The following PLEKHA6 variants were observed in gnomAD, a reference collection of about 807,000 sequenced individuals.
The protein encoded by PLEKHA6 is pleckstrin homology domain containing A6.
PLEKHA6 carries 60 observed loss-of-function variants against 116.7 expected under a neutral mutation model. The observed-to-expected ratio is 0.51, with a 90% CI of 0.42 to 0.64. PLEKHA6 has a LOEUF of 0.64. Among genes scored for constraint, PLEKHA6 ranks in the 30% least tolerant of loss-of-function variants. The pLI is 0.00. For missense variants in PLEKHA6, 1,338 were observed against 1,422.7 expected (o/e 0.94, Z 0.96); for synonymous variants, 489 against 556.1 (o/e 0.88, Z 1.70).
intron 9 of PLEKHA6, among the ~76,000 whole-genome samples, chr1:204,251,028 T>C (rs1571883343): frequency 6.6e-6 from 1 of 152,160 alleles, no homozygotes; most frequent in Admixed American, 6.5e-5. Context: ...TTGGGAACAG[T>C]TGAAAACTAT....
At chr1:204,236,010 G>A (rs1442424400) in intron 17 of PLEKHA6, among the ~76,000 whole-genome samples, 2 of 152,226 alleles carry the variant, frequency 1.3e-5, no homozygotes, top group African/African-American at 4.8e-5. Flanking sequence ...GCCCCTAGAG[G>A]TGAGGTTGAG....
At position 204,320,832 on chromosome 1, in the gene PLEKHA6, C is replaced by T. The variant is rs80249204; in HGVS notation, c.-95+38862G>A. Among the ~76,000 whole-genome samples, 1,180 of 152,222 alleles carry T rather than the reference C, an allele frequency of 7.8e-3. 5 individuals are homozygous for T. The highest frequency in any genetic ancestry group is 0.017 in the Admixed American group (256 of 15,298). ...GTGGGAGAGAGGGGTTCTTAGCCTTCCCCCAAAAAACCCAGAATAATGCCA... is the reference window on the plus strand; with the variant it reads ...GTGGGAGAGAGGGGTTCTTAGCCTTTCCCCAAAAAACCCAGAATAATGCCA... On this transcript the variant is annotated intron_variant, in intron 1 of 22. Transcript: ENST00000272203.
chr1:204,294,190 G>A (rs1395311529), intron 1 of PLEKHA6, among the ~76,000 whole-genome samples: 1 of 152,176 alleles, frequency 6.6e-6, no homozygotes, highest in African/African-American at 2.4e-5. Flanking sequence ...CATCCCAGGA[G>A]GATACGGAGG....
chr1:204,306,222 G>T (rs1671289081), intron 1 of PLEKHA6, among the ~76,000 whole-genome samples: 1 of 151,968 alleles, frequency 6.6e-6, no homozygotes, highest in African/African-American at 2.4e-5. Flanking sequence ...CACCATTCCT[G>T]CGAGATCCTG....
chr1:204,241,788 C>T lies in PLEKHA6; in HGVS notation c.2199G>A (p.Lys733=). ...GGGGCAATGTCTGGTGGGGGTCTTTCTTGCTTTGTTCATAGTTTGCCTTGG... is the reference window on the plus strand; with the variant it reads ...GGGGCAATGTCTGGTGGGGGTCTTTTTTGCTTTGTTCATAGTTTGCCTTGG... ...NEPKANYEQS[K]KDPHQTLPLD... The change falls in exon 16 of 23, where the codon AAG becomes AAA. Residue 733 remains lysine, a synonymous_variant. Transcript: ENST00000272203. The T allele has an allele frequency of 6.2e-7, 1 of 1,614,126 alleles. No homozygotes were observed. Among genetic ancestry groups the T allele is most frequent in the Non-Finnish European group, 8.5e-7 (1 of 1,179,988 alleles).
intron 1 of PLEKHA6, among the ~76,000 whole-genome samples, chr1:204,341,993 C>T (rs914724664): frequency 6.6e-6 from 1 of 151,970 alleles, no homozygotes. Flanking sequence ...CAAGAGCAGG[C>T]TGGCCAACAT....
intron 3 of PLEKHA6, among the ~76,000 whole-genome samples, chr1:204,269,614 A>C (rs939321373): frequency 1.3e-4 from 20 of 150,990 alleles, no homozygotes; most frequent in Non-Finnish European, 2.8e-4. Flanking sequence ...CTGCTCCTCC[A>C]CAGAGAAATT....
intron 9 of PLEKHA6, chr1:204,255,596 G>A: frequency 1.4e-6 from 1 of 702,136 alleles, no homozygotes; most frequent in East Asian, 2.7e-5. Context: ...AAGGCAGTGG[G>A]ATGATAAGGG....
At chr1:204,285,485 G>T (rs1451279886) in intron 1 of PLEKHA6, among the ~76,000 whole-genome samples, 1 of 148,916 alleles carries the variant, frequency 6.7e-6, no homozygotes. Flanking sequence ...TTTTGTTTTT[G>T]TTTTTTTTGA....
intron 21 of PLEKHA6, among the ~76,000 whole-genome samples, chr1:204,224,777 C>A (rs1660104662): frequency 2.0e-5 from 3 of 152,212 alleles, no homozygotes; most frequent in Admixed American, 1.3e-4. Flanking sequence ...ACTTCATGTG[C>A]AAATACACTC....
rs1666135902 is a variant in PLEKHA6, at chr1:204,261,670, C to T, written c.382-222G>A. 6.6e-6 allele frequency among the ~76,000 whole-genome samples: 1 copy of T among 152,222 alleles called. No individual in the cohort carries two copies. Among genetic ancestry groups the T allele is most frequent in the African/African-American group, 2.4e-5 (1 of 41,470 alleles). On this transcript the variant is annotated intron_variant, in intron 6 of 22. Transcript: ENST00000272203. The surrounding 1 kb of genome is among the most constrained non-coding windows in gnomAD (Gnocchi z 4.0). Reference sequence around the variant, plus strand: ...GTACCCACGTATCCACCTTGGCTGGCTCTCTGGGCACCATTAGGCAGCCCA... The same window carrying T: ...GTACCCACGTATCCACCTTGGCTGGTTCTCTGGGCACCATTAGGCAGCCCA...
intron 5 of PLEKHA6, among the ~76,000 whole-genome samples, chr1:204,265,416 A>G (rs1332863952): frequency 6.6e-6 from 1 of 152,184 alleles, no homozygotes; most frequent in Non-Finnish European, 1.5e-5. Context: ...AATCCTCCCA[A>G]CAAACCTATG....
chr1:204,312,196 T>G (rs1380724972), intron 1 of PLEKHA6, among the ~76,000 whole-genome samples: 2 of 152,152 alleles, frequency 1.3e-5, no homozygotes, highest in Non-Finnish European at 2.9e-5. Context: ...TTCCCTACAG[T>G]CCAAGGCTTC....
rs775336208 is a variant in PLEKHA6, at chr1:204,228,114, G to T, written c.3000C>A (p.Thr1000=). Residue 1000 remains threonine (T), a synonymous_variant, in exon 21 of 23, where the codon ACC becomes ACA. Transcript: ENST00000272203. The surrounding 1 kb of genome is among the most constrained non-coding windows in gnomAD (Gnocchi z 4.0). Reference sequence around the variant, plus strand: ...GCATGCGGCCCCTGCGGGAGGCCTCGGTCGCCAGGGCGCAGGAGATTTCAA... The same window carrying T: ...GCATGCGGCCCCTGCGGGAGGCCTCTGTCGCCAGGGCGCAGGAGATTTCAA... The part of the protein sequence containing the change: ...KRIEISCALA[T]EASRRGRMLS... 1.9e-6 allele frequency: 3 copies of T among 1,612,704 alleles called. No individual in the cohort carries two copies. The highest frequency in any genetic ancestry group is 2.5e-6 in the Non-Finnish European group (3 of 1,179,222).
At chr1:204,368,472 T>C (rs1377090929) in intron 2 of PLEKHA6, 1 of 151,908 alleles carries the variant, frequency 6.6e-6, no homozygotes, top group Non-Finnish European at 1.5e-5. Flanking sequence ...AAAAAAAAAT[T>C]ATCCATGGAA....
intron 12 of PLEKHA6, among the ~76,000 whole-genome samples, chr1:204,248,155 CTTT>C (rs34335278): frequency 4.4e-4 from 42 of 95,242 alleles, no homozygotes; most frequent in African/African-American, 1.8e-3. Flanking sequence ...GGGCAGCAGC[CTTT>C]TTTTTTTTTT....
At chr1:204,265,202 T>C (rs1234151272) in intron 5 of PLEKHA6, among the ~76,000 whole-genome samples, 160 bp from the exon 6 acceptor site, 1 of 152,158 alleles carries the variant, frequency 6.6e-6, no homozygotes, top group African/African-American at 2.4e-5. Context: ...CCACACATGC[T>C]CCGAGAGGAC....
At chr1:204,267,432 C>G in intron 5 of PLEKHA6, 43 bp downstream of exon 5, 1 of 1,549,204 alleles carries the variant, frequency 6.5e-7, no homozygotes, top group Non-Finnish European at 8.9e-7. Flanking sequence ...AGTAGTGGGT[C>G]CTGGCTTCCT....
chr1:204,279,254 C>T (rs1378065621), intron 1 of PLEKHA6, among the ~76,000 whole-genome samples: 1 of 152,194 alleles, frequency 6.6e-6, no homozygotes, highest in Non-Finnish European at 1.5e-5. Flanking sequence ...CTCCTATGCC[C>T]TGTAAAGATA....
Sources: allele counts gnomAD v4.1 joint callset (sites outside exome capture counted in the v4.1 genomes callset), GRCh38; gene constraint gnomAD v4.1.1; non-coding constraint Gnocchi (gnomAD v3.1); transcripts MANE v1.5; gene names NCBI Gene and HGNC (gene_info 2026-07-23, HGNC 2026-07-21).